TUBAL3: variants seen among roughly 807,000 people sequenced by gnomAD.
TUBAL3 encodes tubulin alpha chain-like 3.
In TUBAL3, 16 loss-of-function variants were observed where a neutral mutation model predicts 15.5. The observed-to-expected ratio is 1.04, with a 90% CI of 0.70 to 1.57. The LOEUF is 1.57. Among genes scored for constraint, TUBAL3 ranks in the 40% most tolerant of loss-of-function variants. TUBAL3 has a pLI of 0.00. For missense variants in TUBAL3, 609 were observed against 576.2 expected (o/e 1.06, Z -0.58); for synonymous variants, 238 against 224.3 (o/e 1.06, Z -0.55).
rs1831773423 is a variant in TUBAL3 at position 5,396,882 on chromosome 10, T to A, written c.248-1407A>T. Among the ~76,000 whole-genome samples, 1 of 152,334 alleles carries A rather than the reference T, an allele frequency of 6.6e-6. No homozygotes were observed. The highest frequency in any genetic ancestry group is 2.4e-5 in the African/African-American group (1 of 41,582). Reference sequence around the variant, plus strand: ...CTGCATTGCTTAGTAGTTAAATGCATGTTTCAAGAATCAGTTTCCTGGGTT... The same window carrying A: ...CTGCATTGCTTAGTAGTTAAATGCAAGTTTCAAGAATCAGTTTCCTGGGTT... On this transcript the variant is annotated intron_variant, in intron 2 of 3. Transcript: ENST00000380419. This position sits in a 1 kb window ranked among gnomAD's most constrained non-coding sequence, Gnocchi z 5.1.
chr10:5,401,415 T>C (rs1831849421), intron 1 of TUBAL3, among the ~76,000 whole-genome samples: 1 of 143,388 alleles, frequency 7.0e-6, no homozygotes, highest in Non-Finnish European at 1.5e-5. Context: ...ACTTTATTCT[T>C]TCAATATAGG....
At chr10:5,399,771 C>T (rs755757572) in intron 2 of TUBAL3, among the ~76,000 whole-genome samples, 3 of 152,152 alleles carry the variant, frequency 2.0e-5, no homozygotes, top group African/African-American at 4.8e-5. Context: ...CAAGGGGCAG[C>T]GATGTAAATG....
At chr10:5,402,930 C>G (rs1554814773) in intron 1 of TUBAL3, among the ~76,000 whole-genome samples, 2 of 152,242 alleles carry the variant, frequency 1.3e-5, no homozygotes, top group African/African-American at 4.8e-5. Context: ...CTGGTCTACA[C>G]AGACCACTAG....
In TUBAL3 at chr10:5,400,929, T is replaced by C. The variant is rs377249917; in HGVS notation, c.162A>G (p.Ala54=). The part of the protein sequence containing the change: ...LENAKMEHTN[A]SFDTFFCETR... ...TCTCACAGAAGAAGGTATCGAAAGA[T>C]GCATTTGTGTGCTCCATTTTTGCAT... Residue 54 remains alanine, a synonymous_variant, in exon 2 of 4, where the codon GCA becomes GCG. Coordinates refer to ENST00000380419, the MANE Select transcript of TUBAL3 (RefSeq NM_024803.3). 20 of 1,614,126 alleles carry C rather than the reference T, an allele frequency of 1.2e-5. No individual in the cohort carries two copies. The Admixed American group carries it at 1.7e-4, about 13-fold the overall frequency.
chr10:5,399,351 GTAGAGACTTCAT>G (rs1351990030), intron 2 of TUBAL3, among the ~76,000 whole-genome samples: 1 of 152,198 alleles, frequency 6.6e-6, no homozygotes, highest in Non-Finnish European at 1.5e-5. Flanking sequence ...GGTCATAAGG[GTAGAGACTTCAT>G]TATGGGATTA....
chr10:5,403,803 T>C (rs1193370559), intron 1 of TUBAL3, among the ~76,000 whole-genome samples: 1 of 152,238 alleles, frequency 6.6e-6, no homozygotes, highest in Non-Finnish European at 1.5e-5. Flanking sequence ...GACTATAAAA[T>C]GTCCACTGAA....
In TUBAL3 at chr10:5,395,740, A is replaced by G. The variant is rs1554814097; in HGVS notation, c.248-265T>C. ...GCTGCCATAACCAATGACAACAAAC[A>G]TCATGGCTTAAAACAATAGGAATTT... On this transcript the variant is annotated intron_variant, in intron 2 of 3. Transcript: ENST00000380419. The surrounding 1 kb of genome is among the most constrained non-coding windows in gnomAD (Gnocchi z 4.6). Among the ~76,000 whole-genome samples, 1 of 152,220 alleles carries G rather than the reference A, an allele frequency of 6.6e-6. No individual in the cohort carries two copies. The highest frequency in any genetic ancestry group is 1.9e-4 in the East Asian group (1 of 5,202).
At position 5,395,371 on chromosome 10, in the gene TUBAL3, C is replaced by G; in HGVS notation, c.352G>C (p.Gly118Arg). The stretch of plus-strand genomic sequence containing the variant: ...AGCACAAGGTCGATGACCTCCGACC[C>G]CACAGAGTAACGGCCTCGCGCGTAA... ...NNYARGRYSV[G>R]SEVIDLVLER... Residue 118 changes from glycine (G) to arginine (R), a missense_variant, in exon 3 of 4, where the codon GGG (glycine) becomes CGG (arginine). Coordinates refer to ENST00000380419, the MANE Select transcript of TUBAL3 (RefSeq NM_024803.3). The surrounding 1 kb of genome is among the most constrained non-coding windows in gnomAD (Gnocchi z 4.6). 2 of 1,604,572 alleles carry G rather than the reference C, an allele frequency of 1.2e-6. No individual in the cohort carries two copies. The highest frequency in any genetic ancestry group is 1.7e-6 in the Non-Finnish European group (2 of 1,174,288).
chr10:5,397,611 G>A lies in TUBAL3; in HGVS notation c.248-2136C>T, dbSNP rs577633135. On this transcript the variant is annotated intron_variant, in intron 2 of 3. Transcript: ENST00000380419. This position sits in a 1 kb window ranked among gnomAD's most constrained non-coding sequence, Gnocchi z 4.9. ...TCCATGCCATCCACTCTAACTTCCC[G>A]GGCACAGGTTGCTCAGGGGCTTTAC... Among the ~76,000 whole-genome samples, 36 of 152,172 alleles carry A rather than the reference G, an allele frequency of 2.4e-4. No individual in the cohort carries two copies. The Middle Eastern group carries it at 0.014, about 58-fold the overall frequency.
At chr10:5,400,234 T>A (rs1554814518) in intron 2 of TUBAL3, among the ~76,000 whole-genome samples, 1 of 152,236 alleles carries the variant, frequency 6.6e-6, no homozygotes, top group Non-Finnish European at 1.5e-5. Context: ...TGCCAGTGCC[T>A]TCTAGCAAAT....
In TUBAL3 at chr10:5,393,611, A is replaced by G. The variant is rs782240976; in HGVS notation, c.1247T>C (p.Leu416Pro). 1 of 1,614,090 alleles carries G rather than the reference A, an allele frequency of 6.2e-7. No homozygotes were observed. The change falls in exon 4 of 4, where the codon CTC (leucine) becomes CCC (proline). Residue 416 changes from leucine to proline, a missense_variant. Physicochemically the swap from Leu to Pro is moderately conservative, Grantham distance 98 (BLOSUM62 -3). Coordinates refer to ENST00000380419, the MANE Select transcript of TUBAL3 (RefSeq NM_024803.3). ...YAKRAFLHWY[L>P]REGMEEAEFL... ...CTCTGCTTCTTCCATGCCTTCTCTG[A>G]GGTACCAGTGCAGAAATGCTCTCTT...
Position 5,393,662 on chromosome 10 carries a change from TCCA to T in TUBAL3, c.1193_1195del (p.Leu398_Asp399delinsHis), listed in dbSNP as rs782257038. On this transcript the variant is annotated inframe_deletion, in exon 4 of 4. Transcript: ENST00000380419. The stretch of plus-strand genomic sequence containing the variant: ...GGCGTACATGAGGTCAAACTTGTGG[TCCA>T]GGCGGGCCCAGGCCTCCACAATCGC... The T allele has an allele frequency of 6.2e-7, 1 of 1,614,180 alleles. No individual in the cohort carries two copies. The highest frequency in any genetic ancestry group is 8.5e-7 in the Non-Finnish European group (1 of 1,180,036).
In TUBAL3 at chr10:5,395,291, G is replaced by GCA. The variant is rs1473841185; in HGVS notation, c.396+34_396+35dup. On this transcript the variant is annotated intron_variant, in intron 3 of 3. Transcript: ENST00000380419. This position sits in a 1 kb window ranked among gnomAD's most constrained non-coding sequence, Gnocchi z 4.6. Reference sequence around the variant, plus strand: ...TGCCGCAGGACCCCACATGCCCCAGGCACAGCCCACTCGGAGGAGAGGGGG... The same window carrying GCA: ...TGCCGCAGGACCCCACATGCCCCAGGCACACAGCCCACTCGGAGGAGAGGGGG... 6.9e-7 allele frequency: 1 copy of GCA among 1,458,884 alleles called. No homozygotes were observed. Among genetic ancestry groups the GCA allele is most frequent in the Non-Finnish European group, 9.1e-7 (1 of 1,092,958 alleles). The allele number at this position is 1,458,884 out of a possible 1,614,324, so 90.4% of individuals were successfully genotyped here.
chr10:5,401,829 A>C (rs1831858417), intron 1 of TUBAL3, among the ~76,000 whole-genome samples: 1 of 152,180 alleles, frequency 6.6e-6, no homozygotes, highest in Non-Finnish European at 1.5e-5. Context: ...TCTAAAATGC[A>C]AGGATGTAGG....
At position 5,400,828 on chromosome 10, in the gene TUBAL3, G is replaced by T; in HGVS notation, c.247+16C>A. ...TGGCTCCAGTTAAGTATGCTAGAAT[G>T]GAACATTTATTGTACCTATAACAGT... On this transcript the variant is annotated intron_variant, in intron 2 of 3. Transcript: ENST00000380419. 6.2e-7 allele frequency: 1 copy of T among 1,613,730 alleles called. No individual in the cohort carries two copies. The highest frequency in any genetic ancestry group is 8.5e-7 in the Non-Finnish European group (1 of 1,179,738).
intron 2 of TUBAL3, among the ~76,000 whole-genome samples, chr10:5,398,838 A>G (rs1349415078): frequency 6.6e-6 from 1 of 152,130 alleles, no homozygotes; most frequent in African/African-American, 2.4e-5. Flanking sequence ...TCTTCTTCCA[A>G]TGTGTCCCAG....
intron 1 of TUBAL3, among the ~76,000 whole-genome samples, chr10:5,401,973 A>C (rs1014807262): frequency 1.3e-5 from 2 of 152,204 alleles, no homozygotes; most frequent in East Asian, 3.8e-4. Context: ...GCAACCCTTA[A>C]ACGTTTTCCC....
rs781789714 is a variant in TUBAL3, at chr10:5,395,433, T to C, written c.290A>G (p.Glu97Gly). 1 of 1,602,346 alleles carries C rather than the reference T, an allele frequency of 6.2e-7. No homozygotes were observed. Among genetic ancestry groups the C allele is most frequent in the Non-Finnish European group, 8.5e-7 (1 of 1,172,936 alleles). The stretch of plus-strand genomic sequence containing the variant: ...ATCCTCCTTTCCGCTAAGGAGCTGC[T>C]CGGGGTGGAAGAGTGAACGGTGCTG... The part of the protein sequence containing the change: ...TGQHRSLFHP[E>G]QLLSGKEDAA... Residue 97 changes from glutamate (E) to glycine (G), a missense_variant, in exon 3 of 4, where the codon GAG becomes GGG. Transcript: ENST00000380419. The surrounding 1 kb of genome is among the most constrained non-coding windows in gnomAD (Gnocchi z 4.6).
At chr10:5,398,429 A>C (rs1194886635) in intron 2 of TUBAL3, among the ~76,000 whole-genome samples, 4 of 148,788 alleles carry the variant, frequency 2.7e-5, no homozygotes, top group Non-Finnish European at 4.4e-5. Context: ...TCAAAAAAAA[A>C]AAAAAAAAAA....
Sources: allele counts gnomAD v4.1 joint callset (sites outside exome capture counted in the v4.1 genomes callset), GRCh38; gene constraint gnomAD v4.1.1; non-coding constraint Gnocchi (gnomAD v3.1); transcripts MANE v1.5; gene names NCBI Gene and HGNC (gene_info 2026-07-23, HGNC 2026-07-21).